Variants in NBPF4 observed in about 807,000 individuals in gnomAD.
The protein encoded by NBPF4 is NBPF member 4.
NBPF4 carries 11 observed loss-of-function variants against 21.1 expected under a neutral mutation model. That is an observed-to-expected ratio of 0.52 (90% confidence interval 0.33 to 0.86). The LOEUF is 0.86. Ranked by LOEUF, NBPF4 falls within the 40% of genes least tolerant of loss-of-function variation. NBPF4 has a pLI of 0.03. For missense variants in NBPF4, 88 were observed against 265.3 expected (o/e 0.33, Z 4.64); for synonymous variants, 47 against 106.4 (o/e 0.44, Z 3.43).
intron 3 of NBPF4, among the ~76,000 whole-genome samples, 156 bp from the exon 4 acceptor site, chr1:108,241,320 G>T (rs1295399186): frequency 1.1e-5 from 1 of 92,920 alleles, no homozygotes; most frequent in African/African-American, 3.9e-5. Context: ...AGAGAAAGAA[G>T]AATATATATA....
At chr1:108,223,803 T>G in intron 14 of NBPF4, 57 bp from the exon 15 acceptor site, 1 of 1,366,756 alleles carries the variant, frequency 7.3e-7, no homozygotes, top group Middle Eastern at 1.8e-4. Context: ...GTCCACCTGA[T>G]GGCTGAGTCT....
chr1:108,228,772 C>A, intron 13 of NBPF4, 148 bp downstream of exon 13: 1 of 624,936 alleles, frequency 1.6e-6, no homozygotes, highest in South Asian at 2.0e-5. Context: ...AAGCTCCAGG[C>A]CTTTGCTCAC....
the NBPF4 span, among the ~76,000 whole-genome samples, chr1:108,253,815 CTGA>C: frequency 6.6e-5 from 1 of 15,212 alleles, no homozygotes; most frequent in Non-Finnish European, 1.2e-4. Context: ...TGGCATTTCC[CTGA>C]TGATTAGTGA....
chr1:108,246,559 C>G, upstream of NBPF4, among the ~76,000 whole-genome samples: 1 of 110,776 alleles, frequency 9.0e-6, no homozygotes, highest in Non-Finnish European at 1.9e-5. Flanking sequence ...ATCAGTGCCA[C>G]TCATTGTCTC....
At chr1:108,264,811 A>C in the NBPF4 span, among the ~76,000 whole-genome samples, 1 of 102,156 alleles carries the variant, frequency 9.8e-6, no homozygotes, top group Non-Finnish European at 2.0e-5. Context: ...TAATGAAATT[A>C]AGCCAGAAAT....
Position 108,223,334 on chromosome 1 carries a change from G to A in NBPF4, c.*371C>T, listed in dbSNP as rs540955245. 1.7e-4 allele frequency: 35 copies of A among 206,650 alleles called. No individual in the cohort carries two copies. In the East Asian group the frequency reaches 2.1e-3, roughly 12 times the overall value. 12.8% of individuals were successfully genotyped at this position (206,650 alleles called of 1,614,324 possible). ...TTACCGCCTATGAAACTCAGGCTAA[G>A]CGTTTTCAGCAAGAACATGGCATTG... On this transcript the variant is annotated 3_prime_UTR_variant, in exon 15 of 15. Coordinates refer to ENST00000415641, the MANE Select transcript of NBPF4 (RefSeq NM_001143989.3).
At chr1:108,267,394 G>GA in the NBPF4 span, among the ~76,000 whole-genome samples, 3 of 98,806 alleles carry the variant, frequency 3.0e-5, no homozygotes, top group Admixed American at 3.8e-4. Flanking sequence ...AGAGAGAGAA[G>GA]AAAAGTACAT....
rs973465563 is a variant in NBPF4, at chr1:108,222,652, T to C, written c.*1053A>G. On this transcript the variant is annotated 3_prime_UTR_variant, in exon 15 of 15. Coordinates refer to ENST00000415641, the MANE Select transcript of NBPF4 (RefSeq NM_001143989.3). The stretch of plus-strand genomic sequence containing the variant: ...AAATTTGGGCAGGGAATGATCTTTT[T>C]TACAAAGAATGCCAGCAAAAGCAAG... Among the ~76,000 whole-genome samples the C allele has an allele frequency of 2.0e-5, 3 of 152,190 alleles. No homozygotes were observed. The highest frequency in any genetic ancestry group is 6.5e-5 in the Admixed American group (1 of 15,276).
rs914944031 is a variant in NBPF4 at position 108,223,364 on chromosome 1, T to C, written c.*341A>G. 2.3e-5 allele frequency: 6 copies of C among 260,304 alleles called. No homozygotes were observed. Among genetic ancestry groups the C allele is most frequent in the African/African-American group, 1.1e-4 (5 of 44,946 alleles). 16.1% of individuals were successfully genotyped at this position (260,304 alleles called of 1,614,324 possible). A position where few individuals can be genotyped will look rare whatever the true frequency, so the allele number is the denominator to read the frequency against. ...TTCAGCAAGAACATGGCATTGCTCA[T>C]ACTCTGCCCTGGCAGAGTCCCGGCT... On this transcript the variant is annotated 3_prime_UTR_variant, in exon 15 of 15. Transcript: ENST00000415641.
upstream of NBPF4, among the ~76,000 whole-genome samples, chr1:108,247,686 A>AAAAC (rs1158293317): frequency 4.0e-5 from 6 of 150,262 alleles, no homozygotes; most frequent in Admixed American, 2.0e-4. Context: ...TCATTTCTGC[A>AAAAC]AAACAAACAA....
At position 108,241,114 on chromosome 1, in the gene NBPF4, C is replaced by A; in HGVS notation, c.329G>T (p.Arg110Leu). 1 of 372,978 alleles carries A rather than the reference C, an allele frequency of 2.7e-6. No homozygotes were observed. Among genetic ancestry groups the A allele is most frequent in the South Asian group, 3.0e-5 (1 of 32,810 alleles). The allele number at this position is 372,978 out of a possible 1,614,324, so 23.1% of individuals were successfully genotyped here. The stretch of plus-strand genomic sequence containing the variant: ...ATCTCTCCCTTCCCGTAACTTCTCC[C>A]GTAACTGGGTCAGCTCTTTTGCCTG... ...HSQAKELTQL[R>L]EKLREGRDAS... is the part of the protein sequence containing the mutation. Residue 110 changes from arginine to leucine, a missense_variant, in exon 4 of 15, where the codon CGG becomes CTG. This residue lies in a region of NBPF4 where 60 missense variants were observed against 86.5 expected (regional missense o/e 0.69). Coordinates refer to ENST00000415641, the MANE Select transcript of NBPF4 (RefSeq NM_001143989.3).
chr1:108,268,786 T>C, the NBPF4 span, among the ~76,000 whole-genome samples: 1 of 142,658 alleles, frequency 7.0e-6, no homozygotes, highest in Non-Finnish European at 1.5e-5. Context: ...ACACATGGGG[T>C]TCGGGTGAGC....
rs1649345561 is a variant in NBPF4, at chr1:108,222,755, A to G, written c.*950T>C. ...ATAACTGACACAGACGGGGTGATTA[A>G]TTGGTGATAAAATGTTCTGAAGAAG... On this transcript the variant is annotated 3_prime_UTR_variant, in exon 15 of 15. Transcript: ENST00000415641. Among the ~76,000 whole-genome samples, 2 of 152,222 alleles carry G rather than the reference A, an allele frequency of 1.3e-5. No individual in the cohort carries two copies. Among genetic ancestry groups the G allele is most frequent in the Non-Finnish European group, 2.9e-5 (2 of 68,040 alleles).
At chr1:108,258,654 G>A in the NBPF4 span, among the ~76,000 whole-genome samples, 1 of 125,786 alleles carries the variant, frequency 8.0e-6, no homozygotes, top group Admixed American at 8.6e-5. Context: ...TTTCAGGCTG[G>A]GCAGAGTGTG....
At chr1:108,246,228 T>G (rs1163318975), upstream of NBPF4, among the ~76,000 whole-genome samples, 5 of 125,000 alleles carry the variant, frequency 4.0e-5, 1 homozygote, top group Admixed American at 9.2e-5. Flanking sequence ...ATTGATCCAG[T>G]CCTCTTCCTT....
the NBPF4 span, among the ~76,000 whole-genome samples, chr1:108,256,575 C>CCCCTCCCTCCCTCTCTCCCTCCCT: frequency 1.1e-5 from 1 of 93,778 alleles, no homozygotes; most frequent in Non-Finnish European, 2.0e-5. Context: ...CTCCTCCCCT[C>CCCCTCCCTCCCTCTCTCCCTCCCT]CCCTCCCTCC....
chr1:108,243,831 A>C, intron 1 of NBPF4, 35 bp from the exon 2 acceptor site: 1 of 962,824 alleles, frequency 1.0e-6, no homozygotes, highest in Non-Finnish European at 1.5e-6. Flanking sequence ...TGATGGGTCA[A>C]AAAATAGTGA....
the NBPF4 span, among the ~76,000 whole-genome samples, chr1:108,258,001 C>T: frequency 3.6e-5 from 5 of 137,394 alleles, no homozygotes; most frequent in East Asian, 2.0e-4. Context: ...CCACCCACCT[C>T]GGCCTCCCAA....
upstream of NBPF4, among the ~76,000 whole-genome samples, chr1:108,244,879 CT>C (rs1649775134): frequency 6.6e-5 from 1 of 15,056 alleles, no homozygotes; most frequent in African/African-American, 2.3e-4. Flanking sequence ...GCATTGAACG[CT>C]TCTCAGGGAA....
Sources: allele counts gnomAD v4.1 joint callset (sites outside exome capture counted in the v4.1 genomes callset), GRCh38; gene constraint gnomAD v4.1.1; regional missense constraint gnomAD v4.1.1; transcripts MANE v1.5; gene names NCBI Gene and HGNC (gene_info 2026-07-23, HGNC 2026-07-21).